F8: variants seen among roughly 807,000 people sequenced by gnomAD.
F8 encodes coagulation factor VIII, also known as antihemophilic factor.
In F8, 12 loss-of-function variants were observed where a neutral mutation model predicts 140.6. The ratio of observed to expected loss-of-function variants is 0.09; its 90% confidence interval spans 0.05 to 0.14. The LOEUF (loss-of-function observed/expected upper bound fraction) is 0.14, where lower values mean the gene tolerates loss of function less well. Ranked by LOEUF, F8 falls within the 10% of genes least tolerant of loss-of-function variation. F8 has a pLI of 1.00. For synonymous variants in F8, 585 were observed against 614.6 expected, an observed-to-expected ratio of 0.95 and a Z score of 0.71; for missense variants, 1,354 against 1,720.7, an observed-to-expected ratio of 0.79 and a Z score of 3.77.
chrX:154,845,062 G>A (rs1171785150), intron 25 of F8, among the ~76,000 whole-genome samples: 1 of 111,779 alleles, frequency 8.9e-6, no homozygotes, highest in Non-Finnish European at 1.9e-5. Context: ...TGTGGTTTTT[G>A]TCTTTGGTTC....
chrX:154,874,571 A>G (rs2072797652), intron 22 of F8, among the ~76,000 whole-genome samples: 1 of 112,316 alleles, frequency 8.9e-6, no homozygotes, highest in Non-Finnish European at 1.9e-5. Flanking sequence ...TGGAGTCCTC[A>G]TAACCTAAAC....
intron 12 of F8, among the ~76,000 whole-genome samples, chrX:154,951,143 T>C (rs1206226360): frequency 8.9e-6 from 1 of 112,312 alleles, no homozygotes; most frequent in African/African-American, 3.2e-5. Flanking sequence ...TACAAAATCA[T>C]GTGCCTTCTA....
chrX:155,013,360 G>A (rs2073718825), intron 1 of F8, among the ~76,000 whole-genome samples: 1 of 109,838 alleles, frequency 9.1e-6, no homozygotes, highest in African/African-American at 3.3e-5. Flanking sequence ...TTTATAAAGG[G>A]CAGTTCTCCT....
At chrX:154,893,140 C>G (rs376331154) in intron 22 of F8, among the ~76,000 whole-genome samples, 3 of 112,088 alleles carry the variant, frequency 2.7e-5, no homozygotes, top group Admixed American at 9.4e-5. Flanking sequence ...AATCTACCTA[C>G]GACCTGGAAG....
At chrX:154,927,927 G>A (rs908505810) in intron 14 of F8, among the ~76,000 whole-genome samples, 5 of 111,513 alleles carry the variant, frequency 4.5e-5, no homozygotes, top group African/African-American at 1.3e-4. Flanking sequence ...ACACTCTACC[G>A]TATTACTCTA....
At chrX:154,914,715 A>G (rs150241633) in intron 14 of F8, among the ~76,000 whole-genome samples, 3 of 111,951 alleles carry the variant, frequency 2.7e-5, no homozygotes, top group Admixed American at 9.4e-5. Context: ...AAGCTATTCA[A>G]TGATTCTCTA....
intron 14 of F8, among the ~76,000 whole-genome samples, chrX:154,921,162 C>T (rs1156972840): frequency 8.9e-6 from 1 of 112,017 alleles, no homozygotes; most frequent in Non-Finnish European, 1.9e-5. Context: ...TATATTTTCA[C>T]TCCCTTCTGG....
chrX:154,847,087 T>C (rs1206549869), intron 25 of F8, among the ~76,000 whole-genome samples: 3 of 111,803 alleles, frequency 2.7e-5, no homozygotes, highest in Admixed American at 9.5e-5. Context: ...AAAATTCTTT[T>C]CTTTAAGAAT....
intron 23 of F8, 143 bp from the exon 24 acceptor site, chrX:154,862,009 G>C: frequency 1.3e-6 from 1 of 744,004 alleles, no homozygotes; most frequent in Non-Finnish European, 2.0e-6. Flanking sequence ...TCTGTTATTG[G>C]TTTTTTGTTT....
intron 6 of F8, 29 bp downstream of exon 6, chrX:154,984,658 T>C: frequency 9.2e-7 from 1 of 1,082,196 alleles, no homozygotes. Context: ...TGGAAGACCC[T>C]GAGGATTGTT....
At chrX:154,954,803 T>A (rs1011884391) in intron 11 of F8, among the ~76,000 whole-genome samples, 2 of 111,863 alleles carry the variant, frequency 1.8e-5, no homozygotes, top group Admixed American at 9.5e-5. Context: ...GAAAAAACTA[T>A]AGTTAGGAAA....
Position 154,961,125 on chromosome X carries a change from G to A in F8, c.1487C>T (p.Pro496Leu). ...NQASRPYNIYPHGITDVRPLY... is the reference protein window; with the variant it reads ...NQASRPYNIYLHGITDVRPLY... Reference sequence around the variant, plus strand: ...AGGACGGACATCAGTGATTCCGTGAGGGTAGATGTTATATGGTCTGCTTGC... The same window carrying A: ...AGGACGGACATCAGTGATTCCGTGAAGGTAGATGTTATATGGTCTGCTTGC... Residue 496 changes from proline to leucine, a missense_variant, in exon 10 of 26, where the codon CCT becomes CTT. Pro to Leu is a moderately conservative substitution (Grantham distance 98). Transcript: ENST00000360256. 8.3e-7 allele frequency: 1 copy of A among 1,204,117 alleles called. No homozygotes were observed. Among genetic ancestry groups the A allele is most frequent in the Non-Finnish European group, 1.1e-6 (1 of 888,575 alleles).
chrX:154,858,785 T>A (rs2072668156), intron 25 of F8, among the ~76,000 whole-genome samples: 1 of 112,532 alleles, frequency 8.9e-6, no homozygotes, highest in Non-Finnish European at 1.9e-5. Flanking sequence ...AATTATGACC[T>A]CATTTTTGTC....
At chrX:155,021,719 T>C (rs1267017914) in intron 1 of F8, among the ~76,000 whole-genome samples, 1 of 111,609 alleles carries the variant, frequency 9.0e-6, no homozygotes, top group Non-Finnish European at 1.9e-5. Flanking sequence ...CAGAACAGTT[T>C]AACAAAATCA....
In F8 at chrX:154,858,564, A is replaced by G. The variant is rs1391841900; in HGVS notation, c.6900+1868T>C. Among the ~76,000 whole-genome samples the G allele has an allele frequency of 2.7e-5, 3 of 112,148 alleles. No individual in the cohort carries two copies. In the Admixed American group the frequency reaches 2.8e-4, roughly 11 times the overall value. On this transcript the variant is annotated intron_variant, in intron 25 of 25. Coordinates refer to ENST00000360256, the MANE Select transcript of F8 (RefSeq NM_000132.4). Reference sequence around the variant, plus strand: ...GTGTCTCTTAGTATTACCAGGCCCTATGATTCTGGTCAATGGGAAACTACA... The same window carrying G: ...GTGTCTCTTAGTATTACCAGGCCCTGTGATTCTGGTCAATGGGAAACTACA...
In F8 at chrX:154,860,419, G is replaced by C; in HGVS notation, c.6900+13C>G. The C allele has an allele frequency of 8.3e-7, 1 of 1,206,693 alleles. No homozygotes were observed. Among genetic ancestry groups the C allele is most frequent in the East Asian group, 3.0e-5 (1 of 33,803 alleles). ...TTTTCTTTCTTTCTTTCTTTCCAAG[G>C]AGACCAGCTTACCTTTACTTTGCCA... On this transcript the variant is annotated intron_variant, in intron 25 of 25. Transcript: ENST00000360256.
chrX:154,874,823 C>T (rs1416631701), intron 22 of F8, among the ~76,000 whole-genome samples: 5 of 111,821 alleles, frequency 4.5e-5, no homozygotes, highest in African/African-American at 1.6e-4. Context: ...AAAATGAATA[C>T]CATGTGATCT....
chrX:154,930,244 G>A lies in F8; in HGVS notation c.3546C>T (p.Leu1182=). The A allele has an allele frequency of 8.3e-7, 1 of 1,209,138 alleles. No homozygotes were observed. The highest frequency in any genetic ancestry group is 2.3e-4 in the Middle Eastern group (1 of 4,351). The change falls in exon 14 of 26, where the codon CTC becomes CTT. Residue 1182 remains leucine, a synonymous_variant. Coordinates refer to ENST00000360256, the MANE Select transcript of F8 (RefSeq NM_000132.4). ...TGCTGCTTGGAAAAACCATCTCTTT[G>A]AGTCCTACGTCCTTTGTAAATTCAC... is the stretch of plus-strand genomic sequence containing the variant. ...GKGEFTKDVG[L]KEMVFPSSRN...
At chrX:155,009,499 G>A (rs1414161948) in intron 1 of F8, among the ~76,000 whole-genome samples, 1 of 111,173 alleles carries the variant, frequency 9.0e-6, no homozygotes, top group African/African-American at 3.3e-5. Flanking sequence ...CACTTTGGGA[G>A]GCCGAGGCGG....
Sources: allele counts gnomAD v4.1 joint callset (sites outside exome capture counted in the v4.1 genomes callset), GRCh38; gene constraint gnomAD v4.1.1; transcripts MANE v1.5; gene names NCBI Gene and HGNC (gene_info 2026-07-23, HGNC 2026-07-21).